JADE3: variants seen among roughly 807,000 people sequenced by gnomAD.
JADE3 encodes the protein jade family PHD finger 3, also known as protein Jade-3.
JADE3 carries 2 observed loss-of-function variants against 50.1 expected under a neutral mutation model. That is an observed-to-expected ratio of 0.04 (90% CI 0.02 to 0.13). JADE3 has a LOEUF of 0.13. Ranked by LOEUF, JADE3 falls within the 10% of genes least tolerant of loss-of-function variation. The probability of loss-of-function intolerance (pLI) is 1.00; values close to 1 mark genes in which losing one functional copy is unlikely to be tolerated. For missense variants in JADE3, 475 were observed against 634.4 expected, an observed-to-expected ratio of 0.75 and a Z score of 2.70; for synonymous variants, 218 against 232.9, an observed-to-expected ratio of 0.94 and a Z score of 0.58.
intron 1 of JADE3, among the ~76,000 whole-genome samples, chrX:46,938,513 A>C (rs1345848435): frequency 1.8e-5 from 2 of 111,917 alleles, no homozygotes; most frequent in Non-Finnish European, 3.8e-5. Context: ...TACCTGTTGA[A>C]AATTCCTTCA....
intron 8 of JADE3, among the ~76,000 whole-genome samples, chrX:47,044,061 A>T (rs940495858): frequency 9.0e-6 from 1 of 111,351 alleles, no homozygotes; most frequent in African/African-American, 3.3e-5. Context: ...TCTAAGAATG[A>T]CTGGCCTTAA....
intron 4 of JADE3, among the ~76,000 whole-genome samples, chrX:47,019,549 T>G (rs1190813848): frequency 2.7e-5 from 3 of 111,787 alleles, no homozygotes; most frequent in South Asian, 7.6e-4. Flanking sequence ...CACACCCAAC[T>G]CTATCTAGTT....
intron 4 of JADE3, among the ~76,000 whole-genome samples, chrX:47,019,457 T>A (rs1317644835): frequency 9.0e-6 from 1 of 111,461 alleles, no homozygotes; most frequent in Non-Finnish European, 1.9e-5. Context: ...TAATCATAGC[T>A]CTCTACAGCC....
intron 1 of JADE3, among the ~76,000 whole-genome samples, chrX:46,939,404 T>C (rs1456810964): frequency 1.8e-5 from 2 of 111,460 alleles, no homozygotes; most frequent in Non-Finnish European, 3.8e-5. Flanking sequence ...CATAGGGAAT[T>C]GCACAGTGAA....
chrX:46,936,545 A>AT (rs1179389744), intron 1 of JADE3, among the ~76,000 whole-genome samples: 26 of 107,670 alleles, frequency 2.4e-4, no homozygotes, highest in East Asian at 1.8e-3. Flanking sequence ...GATCTTGTAG[A>AT]TTTTTTTTTT....
intron 7 of JADE3, among the ~76,000 whole-genome samples, chrX:47,038,097 C>T (rs1297795952): frequency 3.6e-5 from 4 of 111,898 alleles, no homozygotes; most frequent in Non-Finnish European, 7.5e-5. Flanking sequence ...ACCTCCAGTT[C>T]TGTCCACGTT....
At chrX:47,046,616 A>G (rs1198647789) in intron 8 of JADE3, among the ~76,000 whole-genome samples, 1 of 112,532 alleles carries the variant, frequency 8.9e-6, no homozygotes, top group Non-Finnish European at 1.9e-5. Context: ...ATGAACATTG[A>G]TGCAGAAATC....
intron 8 of JADE3, among the ~76,000 whole-genome samples, chrX:47,042,851 C>T (rs189087711): frequency 9.0e-6 from 1 of 111,394 alleles, no homozygotes; most frequent in Admixed American, 9.6e-5. Context: ...GGGATGTGAA[C>T]GAACATAGGT....
intron 8 of JADE3, among the ~76,000 whole-genome samples, chrX:47,043,527 A>G (rs189656869): frequency 2.7e-5 from 3 of 112,548 alleles, no homozygotes; most frequent in East Asian, 5.6e-4. Context: ...ACATTGAAGT[A>G]ATGGAAAAGA....
intron 1 of JADE3, among the ~76,000 whole-genome samples, chrX:46,981,044 A>G (rs1927740098): frequency 9.0e-6 from 1 of 111,276 alleles, no homozygotes. Flanking sequence ...CAAGGGAGTA[A>G]GAGTGTCCTC....
intron 4 of JADE3, among the ~76,000 whole-genome samples, chrX:47,000,347 C>T (rs782024258): frequency 7.9e-4 from 87 of 110,498 alleles, no homozygotes; most frequent in African/African-American, 2.6e-3. Flanking sequence ...ATTGATACTC[C>T]GAGGATTATT....
chrX:46,985,554 C>T (rs782482049), intron 2 of JADE3, among the ~76,000 whole-genome samples, 159 bp from the exon 3 acceptor site: 215 of 112,182 alleles, frequency 1.9e-3, no homozygotes, highest in Non-Finnish European at 3.3e-3. Flanking sequence ...CATTATGAGG[C>T]ACTCTTCAGT....
At chrX:47,020,117 G>A (rs947197562) in intron 4 of JADE3, among the ~76,000 whole-genome samples, 22 of 111,383 alleles carry the variant, frequency 2.0e-4, no homozygotes, top group Non-Finnish European at 3.6e-4. Flanking sequence ...GATCACCTGA[G>A]GTCAGGAGTT....
At chrX:46,996,481 C>T (rs1556357411) in intron 3 of JADE3, among the ~76,000 whole-genome samples, 1 of 112,144 alleles carries the variant, frequency 8.9e-6, no homozygotes. Flanking sequence ...TTAACATAAA[C>T]GAGGTAGCTT....
At chrX:46,962,499 G>A (rs1384891559) in intron 1 of JADE3, among the ~76,000 whole-genome samples, 1 of 111,181 alleles carries the variant, frequency 9.0e-6, no homozygotes, top group Non-Finnish European at 1.9e-5. Context: ...ATACTCCACT[G>A]GGGACCCACA....
intron 4 of JADE3, among the ~76,000 whole-genome samples, chrX:47,014,088 A>G (rs1280652368): frequency 3.6e-5 from 4 of 112,377 alleles, no homozygotes; most frequent in Non-Finnish European, 7.5e-5. Context: ...CTTCAAAGAA[A>G]TGCTTCAGGA....
At chrX:47,008,317 A>G (rs140905331) in intron 4 of JADE3, among the ~76,000 whole-genome samples, 5,267 of 111,902 alleles carry the variant, frequency 0.047, 136 homozygotes, top group Non-Finnish European at 0.075. Flanking sequence ...AGTATTTTAC[A>G]ACATTGAAGG....
chrX:46,950,620 A>G (rs1041931820), intron 1 of JADE3, among the ~76,000 whole-genome samples: 1 of 112,144 alleles, frequency 8.9e-6, no homozygotes, highest in Non-Finnish European at 1.9e-5. Context: ...ATCCTTGTGT[A>G]GACATAAGTT....
chrX:47,002,679 T>TAA (rs56653702), intron 4 of JADE3, among the ~76,000 whole-genome samples: 10 of 94,281 alleles, frequency 1.1e-4, no homozygotes, highest in Admixed American at 4.7e-4. Context: ...CAGTTTTATT[T>TAA]AAAAAAAAAA....
Sources: gnomAD v4.1 joint callset for allele counts (sites outside exome capture counted in the v4.1 genomes callset) on GRCh38, gnomAD v4.1.1 for gene constraint, MANE v1.5 for transcripts, NCBI Gene and HGNC (gene_info 2026-07-23, HGNC 2026-07-21) for gene names.